The following TRIM55 variants were observed in gnomAD, a reference collection of about 807,000 sequenced individuals.
The protein encoded by TRIM55 is tripartite motif containing 55.
In TRIM55, 50 loss-of-function variants were observed where a neutral mutation model predicts 60.9. The observed-to-expected ratio is 0.82, with a 90% CI of 0.65 to 1.04. The LOEUF is 1.04. TRIM55 is among the 50% of genes least tolerant of loss of function. The probability of loss-of-function intolerance (pLI) is 0.00; values close to 1 mark genes in which losing one functional copy is unlikely to be tolerated. For missense variants in TRIM55, 681 were observed against 666.9 expected (o/e 1.02, Z -0.23); for synonymous variants, 237 against 238.1 (o/e 1.00, Z 0.04).
chr8:66,129,765 C>A (rs1809034209), intron 2 of TRIM55, among the ~76,000 whole-genome samples: 1 of 152,178 alleles, frequency 6.6e-6, no homozygotes, highest in African/African-American at 2.4e-5. Flanking sequence ...GAGATTGATG[C>A]AAAAGTAATT....
chr8:66,148,068 G>A (rs1341673128), intron 4 of TRIM55, among the ~76,000 whole-genome samples: 2 of 152,184 alleles, frequency 1.3e-5, no homozygotes, highest in African/African-American at 2.4e-5. Context: ...AGCTCTCACT[G>A]TGCGGGAGAG....
At chr8:66,150,289 A>G in intron 6 of TRIM55, 50 bp downstream of exon 6, 1 of 1,613,990 alleles carries the variant, frequency 6.2e-7, no homozygotes, top group Non-Finnish European at 8.5e-7. Flanking sequence ...CCTTTACCCA[A>G]GGCTATCCAA....
At chr8:66,164,562 G>A (rs542200165) in intron 9 of TRIM55, among the ~76,000 whole-genome samples, 79 of 152,296 alleles carry the variant, frequency 5.2e-4, no homozygotes, top group African/African-American at 1.8e-3. Context: ...CCCAGCCCAA[G>A]TATCAACAAA....
chr8:66,118,204 C>CAGAGAAAAG, the TRIM55 span, among the ~76,000 whole-genome samples: 2 of 129,612 alleles, frequency 1.5e-5, no homozygotes, highest in African/African-American at 6.0e-5. Flanking sequence ...AAGAAGTGTT[C>CAGAGAAAAG]AGAGGAAAGT....
At chr8:66,139,876 C>T (rs7830926) in intron 4 of TRIM55, among the ~76,000 whole-genome samples, 34,791 of 152,082 alleles carry the variant, frequency 0.23, 7,952 homozygotes, top group African/African-American at 0.59. Flanking sequence ...TATAACAGTA[C>T]AGAAAGTACA....
chr8:66,133,829 C>T (rs1014372048), intron 2 of TRIM55, among the ~76,000 whole-genome samples: 1 of 152,184 alleles, frequency 6.6e-6, no homozygotes, highest in Non-Finnish European at 1.5e-5. Flanking sequence ...GGGTTTCAAA[C>T]ACTTGTATTC....
intron 4 of TRIM55, among the ~76,000 whole-genome samples, chr8:66,144,525 A>G (rs1451412664): frequency 1.1e-4 from 16 of 152,230 alleles, no homozygotes; most frequent in Non-Finnish European, 4.4e-5. Context: ...TACTTCATTT[A>G]TGGTGGAGGT....
At chr8:66,148,771 G>A (rs935603141) in intron 4 of TRIM55, among the ~76,000 whole-genome samples, 12 of 152,116 alleles carry the variant, frequency 7.9e-5, no homozygotes, top group Non-Finnish European at 8.8e-5. Context: ...GATTAAGGCC[G>A]GGCACGGTGG....
chr8:66,114,193 G>T, the TRIM55 span, among the ~76,000 whole-genome samples: 1 of 151,814 alleles, frequency 6.6e-6, no homozygotes, highest in Non-Finnish European at 1.5e-5. Flanking sequence ...AGCCGTGGGG[G>T]ATTAGCTCAA....
At position 66,134,959 on chromosome 8, in the gene TRIM55, G is replaced by T. The variant is rs373632889; in HGVS notation, c.342-31G>T. On this transcript the variant is annotated intron_variant, in intron 2 of 9. Transcript: ENST00000315962. ...TGATGAGATTGCCCCAGTGAGAGCTGATGGACATTTATCTGCCTACCTCCT... is the reference window on the plus strand; with the variant it reads ...TGATGAGATTGCCCCAGTGAGAGCTTATGGACATTTATCTGCCTACCTCCT... 37 of 1,611,758 alleles carry T rather than the reference G, an allele frequency of 2.3e-5. No homozygotes were observed. In the African/African-American group the frequency reaches 4.1e-4, roughly 18 times the overall value.
chr8:66,174,496 A>T lies in TRIM55; in HGVS notation c.1550A>T (p.Gln517Leu). Residue 517 changes from glutamine (Q) to leucine (L), a missense_variant, in exon 10 of 10, where the codon CAG (glutamine) becomes CTG (leucine). Physicochemically the swap from Gln to Leu is moderately radical, Grantham distance 113. Coordinates refer to ENST00000315962, the MANE Select transcript of TRIM55 (RefSeq NM_184085.2). ...SQIGFEAPPL[Q>L]GQAAAPASGS... ...ATTGGATTTGAGGCTCCTCCCCTCC[A>T]GGGACAGGCTGCAGCTCCAGCGAGT... The T allele has an allele frequency of 6.2e-7, 1 of 1,612,358 alleles. No homozygotes were observed. The highest frequency in any genetic ancestry group is 8.5e-7 in the Non-Finnish European group (1 of 1,179,510).
chr8:66,136,820 C>T lies in TRIM55; in HGVS notation c.508-275C>T, dbSNP rs530199570. ...GTCCCTGAAGTCACATATTGGTCTC[C>T]ATGCTATTTATAAACAATACTTAGA... On this transcript the variant is annotated intron_variant, in intron 3 of 9. Transcript: ENST00000315962. 3.3e-5 allele frequency among the ~76,000 whole-genome samples: 5 copies of T among 152,278 alleles called. No individual in the cohort carries two copies. The East Asian group carries it at 9.7e-4, about 29-fold the overall frequency.
intron 4 of TRIM55, among the ~76,000 whole-genome samples, chr8:66,147,336 G>A (rs995100670): frequency 1.3e-5 from 2 of 152,288 alleles, no homozygotes; most frequent in East Asian, 1.9e-4. Context: ...ATTTGGTTGG[G>A]AACTGTGATG....
the TRIM55 span, among the ~76,000 whole-genome samples, chr8:66,115,860 G>A: frequency 6.6e-6 from 1 of 152,202 alleles, no homozygotes; most frequent in Non-Finnish European, 1.5e-5. Context: ...AAAGGCCTTA[G>A]TACAGTGCCT....
At position 66,174,675 on chromosome 8, in the gene TRIM55, T is replaced by C. The variant is rs550241644; in HGVS notation, c.*82T>C. The C allele has an allele frequency of 2.6e-4, 361 of 1,405,802 alleles. No homozygotes were observed. Among genetic ancestry groups the C allele is most frequent in the Non-Finnish European group, 3.2e-4 (339 of 1,075,168 alleles). 87.1% of individuals were successfully genotyped at this position (1,405,802 alleles called of 1,614,324 possible). A position where few individuals can be genotyped will look rare whatever the true frequency, so the allele number is the denominator to read the frequency against. ...GGAAGCCCAAGTGAAATTAATATTA[T>C]GCAGATGATGAAAGGGACCTCTGAA... is the stretch of plus-strand genomic sequence containing the variant. On this transcript the variant is annotated 3_prime_UTR_variant, in exon 10 of 10. Transcript: ENST00000315962.
intron 9 of TRIM55, among the ~76,000 whole-genome samples, chr8:66,166,540 A>G (rs114613364): frequency 7.2e-5 from 11 of 152,322 alleles, no homozygotes; most frequent in African/African-American, 2.6e-4. Flanking sequence ...TAGTCCACCA[A>G]GGTGTTAATG....
chr8:66,160,514 C>T (rs557083282), intron 9 of TRIM55, among the ~76,000 whole-genome samples: 23 of 152,174 alleles, frequency 1.5e-4, no homozygotes, highest in African/African-American at 5.5e-4. Flanking sequence ...TGTATAATGA[C>T]TTATTTTCCT....
chr8:66,166,762 C>T (rs1428576748), intron 9 of TRIM55, among the ~76,000 whole-genome samples: 1 of 152,150 alleles, frequency 6.6e-6, no homozygotes, highest in African/African-American at 2.4e-5. Flanking sequence ...TAGCTGGGAG[C>T]TTGTTGCCTT....
chr8:66,113,986 T>C, the TRIM55 span, among the ~76,000 whole-genome samples: 1 of 149,910 alleles, frequency 6.7e-6, no homozygotes, highest in Non-Finnish European at 1.5e-5. Context: ...CTGTGCCCGC[T>C]CCCTTCGATA....
Sources: gnomAD v4.1 joint callset for allele counts (sites outside exome capture counted in the v4.1 genomes callset) on GRCh38, gnomAD v4.1.1 for gene constraint, MANE v1.5 for transcripts, NCBI Gene and HGNC (gene_info 2026-07-23, HGNC 2026-07-21) for gene names.